RAB15: variants seen among roughly 807,000 people sequenced by gnomAD.
RAB15 encodes the protein ras-related protein Rab-15.
In RAB15, 13 loss-of-function variants were observed where a neutral mutation model predicts 31.8. The ratio of observed to expected loss-of-function variants is 0.41; its 90% CI spans 0.27 to 0.65. The LOEUF is 0.65. Among genes scored for constraint, RAB15 ranks in the 30% least tolerant of loss-of-function variants. The probability of loss-of-function intolerance (pLI) is 0.32; values close to 1 mark genes in which losing one functional copy is unlikely to be tolerated. For synonymous variants in RAB15, 100 were observed against 105.6 expected, an observed-to-expected ratio of 0.95 and a Z score of 0.33; for missense variants, 220 against 277.3, an observed-to-expected ratio of 0.79 and a Z score of 1.47.
chr14:64,965,615 G>T (rs1230179368), intron 1 of RAB15, among the ~76,000 whole-genome samples: 1 of 152,180 alleles, frequency 6.6e-6, no homozygotes, highest in Non-Finnish European at 1.5e-5. Context: ...CAGAAAACTG[G>T]CAGTTTCACA....
intron 1 of RAB15, among the ~76,000 whole-genome samples, chr14:64,967,022 AC>A (rs1887174648): frequency 8.7e-6 from 1 of 114,290 alleles, no homozygotes; most frequent in Non-Finnish European, 1.9e-5. Context: ...ATCTAGCCCC[AC>A]CCCCTCCCTC....
Position 64,951,806 on chromosome 14 carries a change from G to GACTGCAGATCC in RAB15, c.186-144_186-143insGGATCTGCAGT. Reference sequence around the variant, plus strand: ...GATGCTTGGATCCCCACAGGGATCTGCAGTCAGAGGCCTGGTCATCTGTGC... The same window carrying GACTGCAGATCC: ...GATGCTTGGATCCCCACAGGGATCTGACTGCAGATCCCAGTCAGAGGCCTGGTCATCTGTGC... On this transcript the variant is annotated intron_variant, in intron 2 of 6. Transcript: ENST00000533601. This position sits in a 1 kb window ranked among gnomAD's most constrained non-coding sequence, Gnocchi z 7.2. 1.4e-6 allele frequency: 1 copy of GACTGCAGATCC among 717,316 alleles called. No individual in the cohort carries two copies. Among genetic ancestry groups the GACTGCAGATCC allele is most frequent in the Non-Finnish European group, 2.5e-6 (1 of 406,002 alleles). The allele number at this position is 717,316 out of a possible 1,614,324, so 44.4% of individuals were successfully genotyped here.
In RAB15 at chr14:64,970,800, G is replaced by A. The variant is rs1463638026; in HGVS notation, c.124+1153C>T. The stretch of plus-strand genomic sequence containing the variant: ...CCACAGTGAGGTCTCAGGTCTCTTG[G>A]ACAATAAAGCTGGCTTCTTAACCAG... On this transcript the variant is annotated intron_variant, in intron 1 of 6. Coordinates refer to ENST00000533601, the MANE Select transcript of RAB15 (RefSeq NM_001308154.2). This position sits in a 1 kb window ranked among gnomAD's most constrained non-coding sequence, Gnocchi z 4.1. Among the ~76,000 whole-genome samples the A allele has an allele frequency of 6.6e-6, 1 of 152,178 alleles. No individual in the cohort carries two copies. The highest frequency in any genetic ancestry group is 1.5e-5 in the Non-Finnish European group (1 of 68,034).
Position 64,971,938 on chromosome 14 carries a change from G to A in RAB15, c.124+15C>T. On this transcript the variant is annotated intron_variant, in intron 1 of 6. Transcript: ENST00000533601. This position sits in a 1 kb window ranked among gnomAD's most constrained non-coding sequence, Gnocchi z 4.1. ...GGGCGGGGAGGGAGGGGCGCCCCGG[G>A]CCACCGCCCCTTACCGATGGTGGAG... 11 of 1,554,378 alleles carry A rather than the reference G, an allele frequency of 7.1e-6. No individual in the cohort carries two copies. The highest frequency in any genetic ancestry group is 8.7e-6 in the Non-Finnish European group (10 of 1,149,754).
Position 64,955,494 on chromosome 14 carries a change from C to T in RAB15, c.125-2923G>A, listed in dbSNP as rs75724268. On this transcript the variant is annotated intron_variant, in intron 1 of 6. Coordinates refer to ENST00000533601, the MANE Select transcript of RAB15 (RefSeq NM_001308154.2). The surrounding 1 kb of genome is among the most constrained non-coding windows in gnomAD (Gnocchi z 4.4). ...CTGGCCTTATTGAGGCCTCTGCAGA[C>T]GGATGCTTTCTCACCTTGGCCAGCC... Among the ~76,000 whole-genome samples the T allele has an allele frequency of 2.0e-5, 3 of 152,214 alleles. No individual in the cohort carries two copies. Among genetic ancestry groups the T allele is most frequent in the Non-Finnish European group, 2.9e-5 (2 of 68,046 alleles).
At chr14:64,949,205 G>A (rs767400062) in intron 5 of RAB15, among the ~76,000 whole-genome samples, 10 of 152,196 alleles carry the variant, frequency 6.6e-5, no homozygotes, top group Non-Finnish European at 1.3e-4. Context: ...CAGTGGGGTC[G>A]TGCACTTAAA....
chr14:64,960,430 C>G (rs1886795435), intron 1 of RAB15, among the ~76,000 whole-genome samples: 1 of 152,164 alleles, frequency 6.6e-6, no homozygotes, highest in African/African-American at 2.4e-5. Flanking sequence ...AAGTGTGGCT[C>G]AAGACACAGA....
rs1887397931 is a variant in RAB15 at position 64,971,194 on chromosome 14, T to C, written c.124+759A>G. Among the ~76,000 whole-genome samples the C allele has an allele frequency of 6.6e-6, 1 of 152,180 alleles. No homozygotes were observed. The highest frequency in any genetic ancestry group is 2.4e-5 in the African/African-American group (1 of 41,444). On this transcript the variant is annotated intron_variant, in intron 1 of 6. Transcript: ENST00000533601. The surrounding 1 kb of genome is among the most constrained non-coding windows in gnomAD (Gnocchi z 4.1). Reference sequence around the variant, plus strand: ...ATTCCTAGAATAAGTGACCCCATCATAGTGCTGTCTGGGATGCCACCGGGT... The same window carrying C: ...ATTCCTAGAATAAGTGACCCCATCACAGTGCTGTCTGGGATGCCACCGGGT...
In RAB15 at chr14:64,951,202, C is replaced by A; in HGVS notation, c.247-51G>T. On this transcript the variant is annotated intron_variant, in intron 3 of 6. Coordinates refer to ENST00000533601, the MANE Select transcript of RAB15 (RefSeq NM_001308154.2). The surrounding 1 kb of genome is among the most constrained non-coding windows in gnomAD (Gnocchi z 7.2). ...GTGATATGCACAGAGAGAGTGCAGT[C>A]ATGGGGCCAGAAGGGGCCGTGGAAA... is the stretch of plus-strand genomic sequence containing the variant. 1 of 1,475,466 alleles carries A rather than the reference C, an allele frequency of 6.8e-7. No individual in the cohort carries two copies. Among genetic ancestry groups the A allele is most frequent in the South Asian group, 1.1e-5 (1 of 87,062 alleles). 91.4% of individuals were successfully genotyped at this position (1,475,466 alleles called of 1,614,324 possible).
intron 1 of RAB15, among the ~76,000 whole-genome samples, chr14:64,963,143 G>A (rs1333519327): frequency 9.4e-5 from 12 of 127,848 alleles, no homozygotes; most frequent in Non-Finnish European, 1.4e-4. Flanking sequence ...TTTTGAGACA[G>A]GGTCTCACTC....
Position 64,953,719 on chromosome 14 carries a change from A to C in RAB15, c.125-1148T>G. 1.1e-6 allele frequency: 1 copy of C among 882,676 alleles called. No individual in the cohort carries two copies. Among genetic ancestry groups the C allele is most frequent in the South Asian group, 5.2e-5 (1 of 19,210 alleles). The allele number at this position is 882,676 out of a possible 1,614,324, so 54.7% of individuals were successfully genotyped here. On this transcript the variant is annotated intron_variant, in intron 1 of 6. Transcript: ENST00000533601. This position sits in a 1 kb window ranked among gnomAD's most constrained non-coding sequence, Gnocchi z 4.6. ...GTTTTGCTGACCATGCCTCTCCCCAACTCTAACTATACCCAGGCACTATGC... is the reference window on the plus strand; with the variant it reads ...GTTTTGCTGACCATGCCTCTCCCCACCTCTAACTATACCCAGGCACTATGC...
In RAB15 at chr14:64,972,005, C is replaced by T. The variant is rs147860931; in HGVS notation, c.72G>A (p.Leu24=). ...ACTCGTTGTCGGTGAAGCGGCACAGCAGGCAGGTCTTGCCCACCCCGGAGT... is the reference window on the plus strand; with the variant it reads ...ACTCGTTGTCGGTGAAGCGGCACAGTAGGCAGGTCTTGCCCACCCCGGAGT... The part of the protein sequence containing the change: ...IGDSGVGKTC[L]LCRFTDNEFH... Residue 24 remains leucine, a synonymous_variant, in exon 1 of 7, where the codon CTG becomes CTA. Coordinates refer to ENST00000533601, the MANE Select transcript of RAB15 (RefSeq NM_001308154.2). This position sits in a 1 kb window ranked among gnomAD's most constrained non-coding sequence, Gnocchi z 6.3. The T allele has an allele frequency of 5.7e-5, 92 of 1,607,960 alleles. No homozygotes were observed. Among genetic ancestry groups the T allele is most frequent in the Non-Finnish European group, 7.6e-5 (89 of 1,177,358 alleles).
chr14:64,964,539 GAAAA>G (rs1306253409), intron 1 of RAB15, among the ~76,000 whole-genome samples: 3 of 145,972 alleles, frequency 2.1e-5, no homozygotes, highest in Admixed American at 6.8e-5. Flanking sequence ...AAGAAAAAAA[GAAAA>G]AAGAAAGAAA....
Position 64,958,753 on chromosome 14 carries a change from C to T in RAB15, c.125-6182G>A, listed in dbSNP as rs940619266. Reference sequence around the variant, plus strand: ...GCTCTGGCAGAGGTTCTCGGAGACGCTGAGAGCCCCAGGAGGAGAAAGTCA... The same window carrying T: ...GCTCTGGCAGAGGTTCTCGGAGACGTTGAGAGCCCCAGGAGGAGAAAGTCA... On this transcript the variant is annotated intron_variant, in intron 1 of 6. Coordinates refer to ENST00000533601, the MANE Select transcript of RAB15 (RefSeq NM_001308154.2). This position sits in a 1 kb window ranked among gnomAD's most constrained non-coding sequence, Gnocchi z 4.4. Among the ~76,000 whole-genome samples the T allele has an allele frequency of 2.6e-5, 4 of 152,192 alleles. No individual in the cohort carries two copies. The highest frequency in any genetic ancestry group is 9.7e-5 in the African/African-American group (4 of 41,440).
Position 64,968,984 on chromosome 14 carries a change from T to G in RAB15, c.124+2969A>C, listed in dbSNP as rs1412836435. ...TCTAGAAGATCGCAGGCCGTTAAAG[T>G]GGAGTACACAGTAAATCACAAAAGT... On this transcript the variant is annotated intron_variant, in intron 1 of 6. Coordinates refer to ENST00000533601, the MANE Select transcript of RAB15 (RefSeq NM_001308154.2). This position sits in a 1 kb window ranked among gnomAD's most constrained non-coding sequence, Gnocchi z 4.9. 6.6e-6 allele frequency among the ~76,000 whole-genome samples: 1 copy of G among 152,176 alleles called. No homozygotes were observed. Among genetic ancestry groups the G allele is most frequent in the Non-Finnish European group, 1.5e-5 (1 of 68,030 alleles).
At position 64,946,540 on chromosome 14, in the gene RAB15, C is replaced by A. The variant is rs1885931292; in HGVS notation, c.*1814G>T. 1 of 152,308 alleles carries A rather than the reference C, an allele frequency of 6.6e-6. No homozygotes were observed. The highest frequency in any genetic ancestry group is 2.4e-5 in the African/African-American group (1 of 41,466). The allele number at this position is 152,308 out of a possible 1,614,324, so 9.4% of individuals were successfully genotyped here. A position where few individuals can be genotyped will look rare whatever the true frequency, so the allele number is the denominator to read the frequency against. On this transcript the variant is annotated 3_prime_UTR_variant, in exon 7 of 7. Coordinates refer to ENST00000533601, the MANE Select transcript of RAB15 (RefSeq NM_001308154.2). ...ATTTACAACTTCCTGCTCTCCTTTGCTTTCCACCATCTAAGCTATACCCTG... is the reference window on the plus strand; with the variant it reads ...ATTTACAACTTCCTGCTCTCCTTTGATTTCCACCATCTAAGCTATACCCTG...
intron 1 of RAB15, among the ~76,000 whole-genome samples, chr14:64,965,066 C>T (rs571480141): frequency 2.6e-5 from 4 of 152,368 alleles, no homozygotes; most frequent in African/African-American, 9.6e-5. Context: ...CCACTTCAGC[C>T]TCCTGAGTAG....
rs1887362545 is a variant in RAB15 at position 64,970,488 on chromosome 14, G to C, written c.124+1465C>G. Among the ~76,000 whole-genome samples the C allele has an allele frequency of 6.6e-6, 1 of 152,210 alleles. No individual in the cohort carries two copies. The highest frequency in any genetic ancestry group is 1.5e-5 in the Non-Finnish European group (1 of 68,042). On this transcript the variant is annotated intron_variant, in intron 1 of 6. Coordinates refer to ENST00000533601, the MANE Select transcript of RAB15 (RefSeq NM_001308154.2). This position sits in a 1 kb window ranked among gnomAD's most constrained non-coding sequence, Gnocchi z 4.1. ...TTGGCCTTACAGCTCCTCTGAGAAAGACGGACAAGTTCTGTTCCCTGACCC... is the reference window on the plus strand; with the variant it reads ...TTGGCCTTACAGCTCCTCTGAGAAACACGGACAAGTTCTGTTCCCTGACCC...
chr14:64,959,497 C>A (rs1027417353), intron 1 of RAB15, among the ~76,000 whole-genome samples: 1 of 152,140 alleles, frequency 6.6e-6, no homozygotes, highest in African/African-American at 2.4e-5. Context: ...TTTGTTTGCT[C>A]GTTTTTAAAA....
Sources: gnomAD v4.1 joint callset for allele counts (sites outside exome capture counted in the v4.1 genomes callset) on GRCh38, gnomAD v4.1.1 for gene constraint, Gnocchi (gnomAD v3.1) non-coding constraint, MANE v1.5 for transcripts, NCBI Gene and HGNC (gene_info 2026-07-23, HGNC 2026-07-21) for gene names.